MCPH1: variants seen among roughly 807,000 people sequenced by gnomAD.
MCPH1 encodes microcephalin 1.
Under a neutral mutation model 84.5 loss-of-function variants are expected in MCPH1, and 104 were observed. That is an observed-to-expected ratio of 1.23 (90% CI 1.05 to 1.45). MCPH1 has a LOEUF of 1.45. Among genes scored for constraint, MCPH1 ranks in the 40% most tolerant of loss-of-function variants. MCPH1 has a pLI of 0.00. For synonymous variants in MCPH1, 514 were observed against 366.8 expected, an observed-to-expected ratio of 1.40 and a Z score of -4.58; for missense variants, 1,498 against 1,005.7, an observed-to-expected ratio of 1.49 and a Z score of -6.62.
chr8:6,634,257 T>G (rs1436303434), intron 13 of MCPH1, among the ~76,000 whole-genome samples: 1 of 152,218 alleles, frequency 6.6e-6, no homozygotes, highest in Non-Finnish European at 1.5e-5. Context: ...ACAGGCTGGT[T>G]GCAGAAATTT....
chr8:6,526,257 T>TG lies in MCPH1; in HGVS notation c.2214+26328_2214+26329insG, dbSNP rs1327541036. ...CAATATGGCAAAACCTTGCCTCTAC[T>TG]AAAAAAAAAAAAAAAAAAAAAAAAA... On this transcript the variant is annotated intron_variant, in intron 12 of 13. Coordinates refer to ENST00000344683, the MANE Select transcript of MCPH1 (RefSeq NM_024596.5). 2.6e-3 allele frequency among the ~76,000 whole-genome samples: 201 copies of TG among 77,504 alleles called. 1 individual carries two copies. Among genetic ancestry groups the TG allele is most frequent in the African/African-American group, 8.1e-3 (192 of 23,610 alleles). The allele number at this position is 77,504 out of a possible 152,430, so 50.8% of individuals were successfully genotyped here.
intron 3 of MCPH1, among the ~76,000 whole-genome samples, chr8:6,431,175 A>G (rs868612644): frequency 2.6e-5 from 4 of 152,190 alleles, no homozygotes; most frequent in South Asian, 4.1e-4. Context: ...TAAATGATCC[A>G]TTTAATAGCA....
intron 9 of MCPH1, among the ~76,000 whole-genome samples, chr8:6,460,435 C>T (rs1272216259): frequency 2.6e-5 from 4 of 151,972 alleles, no homozygotes; most frequent in South Asian, 4.2e-4. Context: ...AGGCTGGTCT[C>T]GAACGCCTGG....
At chr8:6,452,705 C>T (rs1282896120) in intron 8 of MCPH1, among the ~76,000 whole-genome samples, 4 of 152,364 alleles carry the variant, frequency 2.6e-5, no homozygotes, top group East Asian at 1.9e-4. Flanking sequence ...TCCTCTCTCT[C>T]TGCCATGTGA....
chr8:6,493,734 G>C (rs1810922317), intron 11 of MCPH1, among the ~76,000 whole-genome samples: 1 of 152,142 alleles, frequency 6.6e-6, no homozygotes, highest in Non-Finnish European at 1.5e-5. Flanking sequence ...TACAAAATAT[G>C]ACCGGGGATC....
chr8:6,457,543 T>G (rs1036463014), intron 9 of MCPH1, among the ~76,000 whole-genome samples: 5 of 152,034 alleles, frequency 3.3e-5, no homozygotes, highest in African/African-American at 1.2e-4. Flanking sequence ...AAGGGGAGGT[T>G]GCAGTGAGTC....
chr8:6,521,227 A>G (rs1474663482), intron 12 of MCPH1: 1 of 1,613,820 alleles, frequency 6.2e-7, no homozygotes, highest in African/African-American at 1.3e-5. Flanking sequence ...TCTCCATGAG[A>G]TCATGTTGCT....
chr8:6,598,736 G>T (rs1032516046), intron 12 of MCPH1, among the ~76,000 whole-genome samples: 15 of 152,240 alleles, frequency 9.9e-5, no homozygotes, highest in African/African-American at 3.6e-4. Flanking sequence ...GCGCAGTGCG[G>T]CTCCCCCCTG....
intron 12 of MCPH1, among the ~76,000 whole-genome samples, chr8:6,600,101 G>T (rs564232985): frequency 6.6e-6 from 1 of 152,364 alleles, no homozygotes; most frequent in Non-Finnish European, 1.5e-5. Flanking sequence ...GAAATATCTG[G>T]AGCTGAGTTG....
At chr8:6,578,235 A>C (rs1437619677) in intron 12 of MCPH1, among the ~76,000 whole-genome samples, 1 of 152,214 alleles carries the variant, frequency 6.6e-6, no homozygotes. Context: ...TTCTTTCCCA[A>C]ACTGGTATTT....
intron 12 of MCPH1, among the ~76,000 whole-genome samples, chr8:6,545,064 G>C (rs1034494958): frequency 2.0e-5 from 3 of 151,968 alleles, no homozygotes; most frequent in African/African-American, 7.3e-5. Context: ...CATCATGTTG[G>C]GTCACAGAAG....
chr8:6,540,150 C>G (rs955745014), intron 12 of MCPH1, among the ~76,000 whole-genome samples: 1 of 152,182 alleles, frequency 6.6e-6, no homozygotes, highest in Non-Finnish European at 1.5e-5. Context: ...CTTTGCTCTT[C>G]TTTGAGTGCA....
chr8:6,420,677 C>T (rs987096653), intron 3 of MCPH1, among the ~76,000 whole-genome samples: 3 of 152,084 alleles, frequency 2.0e-5, no homozygotes, highest in South Asian at 2.1e-4. Context: ...CTGTTACAGT[C>T]GAGACAAGTA....
At chr8:6,417,851 G>C (rs1157268567) in intron 3 of MCPH1, among the ~76,000 whole-genome samples, 3 of 152,066 alleles carry the variant, frequency 2.0e-5, no homozygotes, top group African/African-American at 7.2e-5. Flanking sequence ...CTCTTCATAT[G>C]GCAAATAATT....
intron 12 of MCPH1, 32 bp from the exon 13 acceptor site, chr8:6,621,422 C>T (rs760600271): frequency 5.6e-6 from 9 of 1,612,716 alleles, no homozygotes; most frequent in South Asian, 1.1e-5. Flanking sequence ...AGTGGTCCCA[C>T]CTCTGTAATT....
At position 6,480,895 on chromosome 8, in the gene MCPH1, C is replaced by T. The variant is rs1460049499; in HGVS notation, c.2136+19C>T. ...TGATTGGGTAAGCCCTGTGTGTGAA[C>T]TGCGTATTTTAAAACAAGGCATTTT... On this transcript the variant is annotated intron_variant, in intron 11 of 13. Coordinates refer to ENST00000344683, the MANE Select transcript of MCPH1 (RefSeq NM_024596.5). 6.2e-6 allele frequency: 10 copies of T among 1,612,806 alleles called. No homozygotes were observed. The highest frequency in any genetic ancestry group is 6.8e-6 in the Non-Finnish European group (8 of 1,179,988).
At chr8:6,432,680 G>A (rs1331036548) in intron 4 of MCPH1, among the ~76,000 whole-genome samples, 1 of 152,188 alleles carries the variant, frequency 6.6e-6, no homozygotes, top group Non-Finnish European at 1.5e-5. Context: ...AGAAATAACT[G>A]TGAATTTCAC....
chr8:6,563,743 G>A (rs1051369052), intron 12 of MCPH1, among the ~76,000 whole-genome samples: 1 of 152,128 alleles, frequency 6.6e-6, no homozygotes, highest in African/African-American at 2.4e-5. Context: ...ATTGATTTTA[G>A]TTGATTCTTG....
intron 8 of MCPH1, chr8:6,446,378 T>C (rs1804372603): frequency 3.0e-6 from 3 of 984,808 alleles, no homozygotes; most frequent in African/African-American, 3.5e-5. Context: ...ACAAATGTTT[T>C]AACTGCCTCT....
Sources: gnomAD v4.1 joint callset for allele counts (sites outside exome capture counted in the v4.1 genomes callset) on GRCh38, gnomAD v4.1.1 for gene constraint, MANE v1.5 for transcripts, NCBI Gene and HGNC (gene_info 2026-07-23, HGNC 2026-07-21) for gene names.